The following WNK1 variants were observed in gnomAD, a reference collection of about 807,000 sequenced individuals.
The protein encoded by WNK1 is serine/threonine-protein kinase WNK1.
In WNK1, 38 loss-of-function variants were observed where a neutral mutation model predicts 222.8. The ratio of observed to expected loss-of-function variants is 0.17; its 90% CI spans 0.13 to 0.22. WNK1 has a LOEUF of 0.22. WNK1 is among the 10% of genes least tolerant of loss of function. WNK1 has a pLI of 1.00. For missense variants in WNK1, 2,348 were observed against 2,918.4 expected, an observed-to-expected ratio of 0.80 and a Z score of 4.50; for synonymous variants, 1,090 against 1,092.9, an observed-to-expected ratio of 1.00 and a Z score of 0.05.
intron 2 of WNK1, among the ~76,000 whole-genome samples, chr12:825,752 ATAAT>A (rs1231944617): frequency 6.6e-6 from 1 of 152,250 alleles, no homozygotes; most frequent in Non-Finnish European, 1.5e-5. Context: ...CTGAAAAACA[ATAAT>A]TAATAGAATA....
At position 896,427 on chromosome 12, in the gene WNK1, T is replaced by G. The variant is rs1954737242; in HGVS notation, c.5940T>G (p.Pro1980=). 4 of 1,613,922 alleles carry G rather than the reference T, an allele frequency of 2.5e-6. No individual in the cohort carries two copies. The highest frequency in any genetic ancestry group is 3.4e-6 in the Non-Finnish European group (4 of 1,180,010). The part of the protein sequence containing the change: ...TKKEGPVASP[P]FMDLEQAVLP... ...AAGAAGGACCAGTGGCATCTCCTCC[T>G]TTTATGGATTTGGAACAAGCTGTTC... Residue 1980 remains proline, a synonymous_variant, in exon 24 of 28, where the codon CCT becomes CCG. Coordinates refer to ENST00000315939, the MANE Select transcript of WNK1 (RefSeq NM_018979.4).
chr12:824,859 TACTA>T lies in WNK1; in HGVS notation c.933-2179_933-2176del, dbSNP rs200595294. Among the ~76,000 whole-genome samples the T allele has an allele frequency of 3.0e-4, 45 of 151,060 alleles. No homozygotes were observed. The East Asian group carries it at 7.7e-3, about 26-fold the overall frequency. On this transcript the variant is annotated intron_variant, in intron 2 of 27. Transcript: ENST00000315939. Reference sequence around the variant, plus strand: ...ACACTCAGCACCAAGATTCTGTTGTTACTAACTTTTTGCATCACTTGCCTTACCA... The same window carrying T: ...ACACTCAGCACCAAGATTCTGTTGTTACTTTTTGCATCACTTGCCTTACCA...
At chr12:869,306 C>A in intron 8 of WNK1, 1 of 699,024 alleles carries the variant, frequency 1.4e-6, no homozygotes, top group Non-Finnish European at 2.4e-6. Context: ...ACCTGATTTA[C>A]CTATTATATG....
Position 753,465 on chromosome 12 carries a change from C to G in WNK1, c.-101C>G. 2 of 1,528,268 alleles carry G rather than the reference C, an allele frequency of 1.3e-6. No individual in the cohort carries two copies. Among genetic ancestry groups the G allele is most frequent in the African/African-American group, 1.4e-5 (1 of 72,728 alleles). 94.7% of individuals were successfully genotyped at this position (1,528,268 alleles called of 1,614,324 possible). A position where few individuals can be genotyped will look rare whatever the true frequency, so the allele number is the denominator to read the frequency against. On this transcript the variant is annotated 5_prime_UTR_variant, in exon 1 of 28. Coordinates refer to ENST00000315939, the MANE Select transcript of WNK1 (RefSeq NM_018979.4). The surrounding 1 kb of genome is among the most constrained non-coding windows in gnomAD (Gnocchi z 5.2). ...TCGTCCGGGTCGGCGCGAACCCGCC[C>G]GGCCGCGGTTCCCTGCAGACCTCTG...
At chr12:862,055 T>G in intron 7 of WNK1, 28 bp from the exon 8 acceptor site, 1 of 1,613,188 alleles carries the variant, frequency 6.2e-7, no homozygotes, top group Non-Finnish European at 8.5e-7. Context: ...CTCTCTCTCT[T>G]TTTTTTGGCG....
intron 1 of WNK1, among the ~76,000 whole-genome samples, chr12:758,832 G>A (rs562860296): frequency 2.0e-5 from 3 of 146,602 alleles, no homozygotes; most frequent in South Asian, 2.2e-4. Flanking sequence ...TTTCTGACCC[G>A]TAGTAACACA....
At chr12:830,219 G>A (rs1948682987) in intron 4 of WNK1, 59 bp downstream of exon 4, 7 of 1,576,764 alleles carry the variant, frequency 4.4e-6, no homozygotes, top group Admixed American at 3.4e-5. Flanking sequence ...GAATCCCAAG[G>A]TGGATGACAT....
chr12:905,736 G>A (rs1955639071), intron 26 of WNK1, among the ~76,000 whole-genome samples: 1 of 152,094 alleles, frequency 6.6e-6, no homozygotes, highest in South Asian at 2.1e-4. Context: ...CTCTCACATT[G>A]GCTGTTCATG....
At position 842,024 on chromosome 12, in the gene WNK1, A is replaced by G. The variant is rs1230519709; in HGVS notation, c.1311+11864A>G. ...AGAGTGTCTTAAAAGGTATTGTCCT[A>G]GAGCTAGGTTTATTATATCGTTGTT... is the stretch of plus-strand genomic sequence containing the variant. On this transcript the variant is annotated intron_variant, in intron 4 of 27. Transcript: ENST00000315939. Among the ~76,000 whole-genome samples, 3 of 152,248 alleles carry G rather than the reference A, an allele frequency of 2.0e-5. 1 individual carries two copies. Among genetic ancestry groups the G allele is most frequent in the East Asian group, 3.8e-4 (2 of 5,202 alleles).
At chr12:882,800 C>A in intron 14 of WNK1, 143 bp from the exon 15 acceptor site, 1 of 660,232 alleles carries the variant, frequency 1.5e-6, no homozygotes, top group Non-Finnish European at 2.7e-6. Context: ...GTTTAAGAGA[C>A]AAAGTACTAG....
chr12:868,962 C>G, intron 8 of WNK1: 1 of 1,589,450 alleles, frequency 6.3e-7, no homozygotes. Context: ...CCTTTTGGCT[C>G]TGACGTCTCA....
At chr12:871,152 T>C in intron 8 of WNK1, 113 bp from the exon 9 acceptor site, 1 of 1,024,242 alleles carries the variant, frequency 9.8e-7, no homozygotes, top group East Asian at 2.5e-5. Context: ...AGGTTAATGT[T>C]TCATTTTGAT....
At chr12:766,007 G>A (rs1382551441) in intron 1 of WNK1, among the ~76,000 whole-genome samples, 1 of 152,150 alleles carries the variant, frequency 6.6e-6, no homozygotes, top group Non-Finnish European at 1.5e-5. Flanking sequence ...AAAATATTTG[G>A]TGACCTTACA....
Position 753,765 on chromosome 12 carries a change from G to T in WNK1, c.200G>T (p.Gly67Val). Residue 67 changes from glycine (G) to valine (V), a missense_variant, in exon 1 of 28, where the codon GGG (glycine) becomes GTG (valine). This residue lies in a region of WNK1 where 108 missense variants were observed against 109.7 expected (regional missense o/e 0.98). Transcript: ENST00000315939. This position sits in a 1 kb window ranked among gnomAD's most constrained non-coding sequence, Gnocchi z 5.2. The part of the protein sequence containing the change: ...RRHTMDKDSR[G>V]AAATTTTTEH... ...CACACTATGGACAAGGACAGCCGTG[G>T]GGCGGCCGCGACCACTACCACCACT... 6.2e-7 allele frequency: 1 copy of T among 1,612,388 alleles called. No homozygotes were observed. The highest frequency in any genetic ancestry group is 8.5e-7 in the Non-Finnish European group (1 of 1,179,922).
At chr12:791,036 A>G (rs950273466) in intron 1 of WNK1, among the ~76,000 whole-genome samples, 5 of 152,186 alleles carry the variant, frequency 3.3e-5, no homozygotes, top group South Asian at 2.1e-4. Context: ...ACAGTTCTCT[A>G]GAATAGAAAA....
At chr12:803,301 T>C (rs1946054835) in intron 1 of WNK1, among the ~76,000 whole-genome samples, 1 of 152,172 alleles carries the variant, frequency 6.6e-6, no homozygotes, top group South Asian at 2.1e-4. Flanking sequence ...AATTGAGCAA[T>C]GTAAGTACAG....
At chr12:860,681 C>G (rs771931554) in intron 6 of WNK1, among the ~76,000 whole-genome samples, 1 of 152,192 alleles carries the variant, frequency 6.6e-6, no homozygotes, top group Non-Finnish European at 1.5e-5. Context: ...GGGGGAAATA[C>G]AGTGAATAGA....
intron 2 of WNK1, among the ~76,000 whole-genome samples, chr12:814,836 A>G (rs928594577): frequency 2.0e-5 from 3 of 152,212 alleles, no homozygotes; most frequent in East Asian, 1.9e-4. Context: ...ATATAATGAA[A>G]TAGTTATACA....
At chr12:889,485 C>T (rs577892158) in intron 21 of WNK1, among the ~76,000 whole-genome samples, 12 of 152,172 alleles carry the variant, frequency 7.9e-5, no homozygotes, top group South Asian at 2.1e-4. Flanking sequence ...CTATGGATTT[C>T]GTATTTTTGT....
Sources: allele counts gnomAD v4.1 joint callset (sites outside exome capture counted in the v4.1 genomes callset), GRCh38; gene constraint gnomAD v4.1.1; regional missense constraint gnomAD v4.1.1; non-coding constraint Gnocchi (gnomAD v3.1); transcripts MANE v1.5; gene names NCBI Gene and HGNC (gene_info 2026-07-23, HGNC 2026-07-21).